Variants in RNF152 observed in about 807,000 individuals in gnomAD.
The protein encoded by RNF152 is ring finger protein 152.
Under a neutral mutation model 12.7 loss-of-function variants are expected in RNF152, and 11 were observed. The ratio of observed to expected loss-of-function variants is 0.86; its 90% CI spans 0.54 to 1.43. The LOEUF (loss-of-function observed/expected upper bound fraction) is 1.43, where lower values mean the gene tolerates loss of function less well. RNF152 is among the 40% of genes most tolerant of loss of function. RNF152 has a pLI of 0.00. For synonymous variants in RNF152, 113 were observed against 120.3 expected (o/e 0.94, Z 0.40); for missense variants, 255 against 274.8 (o/e 0.93, Z 0.51).
chr18:61,887,661 C>T (rs1385324116), intron 1 of RNF152, among the ~76,000 whole-genome samples: 2 of 149,884 alleles, frequency 1.3e-5, no homozygotes, highest in African/African-American at 4.9e-5. Flanking sequence ...GATCATGCCC[C>T]ACTGCACTCC....
chr18:61,821,230 A>G (rs1221881933), intron 1 of RNF152, among the ~76,000 whole-genome samples: 1 of 152,236 alleles, frequency 6.6e-6, no homozygotes, highest in African/African-American at 2.4e-5. Flanking sequence ...GTTCCAAGTA[A>G]TGTTCCCTTA....
Position 61,874,346 on chromosome 18 carries a change from C to T in RNF152, c.-136+18449G>A, listed in dbSNP as rs188405582. The stretch of plus-strand genomic sequence containing the variant: ...GGTGATAGCCAACATATTGTATTTC[C>T]GATTACAGATACAGGATTCAGCTAC... On this transcript the variant is annotated intron_variant, in intron 1 of 1. Coordinates refer to ENST00000312828, the MANE Select transcript of RNF152 (RefSeq NM_173557.3). Among the ~76,000 whole-genome samples the T allele has an allele frequency of 1.0e-3, 157 of 152,274 alleles. 1 individual carries two copies. The highest frequency in any genetic ancestry group is 3.4e-3 in the African/African-American group (140 of 41,544).
Position 61,815,471 on chromosome 18 carries a change from C to T in RNF152, c.*381G>A, listed in dbSNP as rs1368301902. On this transcript the variant is annotated 3_prime_UTR_variant, in exon 2 of 2. Transcript: ENST00000312828. ...GGTTTAATTCTACTTGTCTACAGAG[C>T]ATCTTTGTTTGAATCTACCGCATTT... 1 of 167,772 alleles carries T rather than the reference C, an allele frequency of 6.0e-6. No homozygotes were observed. The highest frequency in any genetic ancestry group is 2.4e-5 in the African/African-American group (1 of 41,906). The allele number at this position is 167,772 out of a possible 1,614,324, so 10.4% of individuals were successfully genotyped here. A position where few individuals can be genotyped will look rare whatever the true frequency, so the allele number is the denominator to read the frequency against.
intron 1 of RNF152, among the ~76,000 whole-genome samples, chr18:61,836,313 A>G (rs1034043541): frequency 4.0e-5 from 6 of 149,746 alleles, no homozygotes; most frequent in Admixed American, 3.3e-4. Context: ...TTGAATATTG[A>G]AAAAAAAAAG....
chr18:61,820,937 G>A (rs1909374983), intron 1 of RNF152, among the ~76,000 whole-genome samples: 1 of 152,154 alleles, frequency 6.6e-6, no homozygotes, highest in Admixed American at 6.5e-5. Flanking sequence ...AAGCAGGGAT[G>A]ATGGAGTTGT....
Position 61,872,026 on chromosome 18 carries a change from C to T in RNF152, c.-136+20769G>A, listed in dbSNP as rs546915047. ...CTTAATTGGCTCACGGTTCTGCAGG[C>T]TGTACAGTAAGCATGATGTTGGCAT... On this transcript the variant is annotated intron_variant, in intron 1 of 1. Coordinates refer to ENST00000312828, the MANE Select transcript of RNF152 (RefSeq NM_173557.3). Among the ~76,000 whole-genome samples, 8 of 152,260 alleles carry T rather than the reference C, an allele frequency of 5.3e-5. No homozygotes were observed. The East Asian group carries it at 1.4e-3, about 26-fold the overall frequency.
At chr18:61,842,438 C>T (rs529054352) in intron 1 of RNF152, among the ~76,000 whole-genome samples, 2 of 152,216 alleles carry the variant, frequency 1.3e-5, no homozygotes, top group Non-Finnish European at 2.9e-5. Context: ...TGGAACAAGG[C>T]TGGCAGCTGT....
At chr18:61,847,480 T>C (rs1255478139) in intron 1 of RNF152, among the ~76,000 whole-genome samples, 2 of 152,348 alleles carry the variant, frequency 1.3e-5, no homozygotes, top group East Asian at 1.9e-4. Context: ...CTGTTAACTA[T>C]GCAAAGGTGG....
At chr18:61,877,512 G>A (rs936911469) in intron 1 of RNF152, among the ~76,000 whole-genome samples, 10 of 152,092 alleles carry the variant, frequency 6.6e-5, no homozygotes, top group African/African-American at 7.2e-5. Flanking sequence ...ATCTCAACTC[G>A]AACTTGTGTT....
chr18:61,841,634 C>T (rs1425428860), intron 1 of RNF152, among the ~76,000 whole-genome samples: 4 of 152,140 alleles, frequency 2.6e-5, no homozygotes, highest in African/African-American at 9.7e-5. Context: ...ACCCCTCTAC[C>T]TCTGAGTGGG....
At chr18:61,851,592 G>C (rs1409554937) in intron 1 of RNF152, among the ~76,000 whole-genome samples, 3 of 152,180 alleles carry the variant, frequency 2.0e-5, no homozygotes, top group African/African-American at 7.2e-5. Context: ...GTAACTACCT[G>C]AGTATCCCCC....
chr18:61,844,467 A>T (rs1304344611), intron 1 of RNF152, among the ~76,000 whole-genome samples: 2 of 152,256 alleles, frequency 1.3e-5, no homozygotes, highest in Admixed American at 6.5e-5. Context: ...TGGCAAAAGA[A>T]AACCATCCAT....
In RNF152 at chr18:61,812,830, C is replaced by T. The variant is rs1908869091; in HGVS notation, c.*3022G>A. 2.6e-5 allele frequency: 4 copies of T among 151,160 alleles called. No homozygotes were observed. In the South Asian group the frequency reaches 8.3e-4, roughly 32 times the overall value. 9.4% of individuals were successfully genotyped at this position (151,160 alleles called of 1,614,324 possible). On this transcript the variant is annotated 3_prime_UTR_variant, in exon 2 of 2. Coordinates refer to ENST00000312828, the MANE Select transcript of RNF152 (RefSeq NM_173557.3). The stretch of plus-strand genomic sequence containing the variant: ...TTTCATTTTCCCAGAGAGGTAGATG[C>T]TAACTAAAATGAGTACATAAACCTA...
At chr18:61,854,302 A>G (rs1422104133) in intron 1 of RNF152, among the ~76,000 whole-genome samples, 1 of 152,182 alleles carries the variant, frequency 6.6e-6, no homozygotes. Context: ...ACAGACTACA[A>G]TGTCACAACC....
chr18:61,881,592 G>A (rs9956924), intron 1 of RNF152, among the ~76,000 whole-genome samples: 77,167 of 151,840 alleles, frequency 0.51, 19,601 homozygotes, highest in East Asian at 0.75. Flanking sequence ...GAAATCAAAT[G>A]AATGCTGAAG....
intron 1 of RNF152, among the ~76,000 whole-genome samples, chr18:61,840,512 C>T (rs1171537965): frequency 6.6e-6 from 1 of 152,100 alleles, no homozygotes; most frequent in East Asian, 1.9e-4. Flanking sequence ...CTGGAAACTC[C>T]TAGTTCTATC....
chr18:61,852,219 G>A (rs1467816941), intron 1 of RNF152, among the ~76,000 whole-genome samples: 1 of 152,174 alleles, frequency 6.6e-6, no homozygotes, highest in Non-Finnish European at 1.5e-5. Context: ...ACATAAGACA[G>A]AAGTAAAAAC....
At chr18:61,818,188 C>G (rs376963124) in intron 1 of RNF152, among the ~76,000 whole-genome samples, 4 of 151,950 alleles carry the variant, frequency 2.6e-5, no homozygotes, top group Non-Finnish European at 4.4e-5. Context: ...TTTGGGAGGC[C>G]GAGGAGGGGG....
intron 1 of RNF152, among the ~76,000 whole-genome samples, chr18:61,837,257 C>T (rs960198169): frequency 3.9e-5 from 6 of 152,090 alleles, no homozygotes; most frequent in Non-Finnish European, 7.3e-5. Flanking sequence ...TAAGAGACTA[C>T]GGAGATGAGG....
Sources: allele counts gnomAD v4.1 joint callset (sites outside exome capture counted in the v4.1 genomes callset), GRCh38; gene constraint gnomAD v4.1.1; transcripts MANE v1.5; gene names NCBI Gene and HGNC (gene_info 2026-07-23, HGNC 2026-07-21).